ARSB: variants seen among roughly 807,000 people sequenced by gnomAD.
The protein encoded by ARSB is arylsulfatase B.
ARSB carries 41 observed loss-of-function variants against 50.9 expected under a neutral mutation model. The ratio of observed to expected loss-of-function variants is 0.81; its 90% CI spans 0.63 to 1.04. The LOEUF (loss-of-function observed/expected upper bound fraction) is 1.04, where lower values mean the gene tolerates loss of function less well. Among genes scored for constraint, ARSB ranks in the 50% least tolerant of loss-of-function variants. The pLI is 0.00. For missense variants in ARSB, 672 were observed against 693.3 expected (o/e 0.97, Z 0.35); for synonymous variants, 269 against 284.8 (o/e 0.94, Z 0.56).
intron 6 of ARSB, among the ~76,000 whole-genome samples, chr5:78,808,535 C>T (rs1300250489): frequency 6.6e-6 from 1 of 152,108 alleles, no homozygotes. Context: ...TGGGAGGATG[C>T]TGTTCTAGAG....
At chr5:78,830,203 G>A (rs1378361981) in intron 6 of ARSB, among the ~76,000 whole-genome samples, 1 of 152,156 alleles carries the variant, frequency 6.6e-6, no homozygotes, top group East Asian at 1.9e-4. Flanking sequence ...TGGTCAGTTG[G>A]ACATGAGACA....
intron 5 of ARSB, among the ~76,000 whole-genome samples, chr5:78,860,296 T>A (rs538710157): frequency 6.6e-5 from 10 of 152,310 alleles, no homozygotes; most frequent in Admixed American, 4.6e-4. Flanking sequence ...GCTTTATGAA[T>A]CTGGGTGCTC....
At chr5:78,949,273 A>C (rs531661731) in intron 4 of ARSB, among the ~76,000 whole-genome samples, 7 of 152,352 alleles carry the variant, frequency 4.6e-5, no homozygotes, top group African/African-American at 1.7e-4. Flanking sequence ...CCGATCACCA[A>C]ATATAATCCA....
chr5:78,969,091 A>G lies in ARSB; in HGVS notation c.414T>C (p.Tyr138=). Reference sequence around the variant, plus strand: ...GCCATTTTCCGACCATATGGGTAGTATAACCTGCTTCTTTTAGGAGCTGGG... The same window carrying G: ...GCCATTTTCCGACCATATGGGTAGTGTAACCTGCTTCTTTTAGGAGCTGGG... ...LLPQLLKEAG[Y]TTHMVGKWHL... The change falls in exon 2 of 8, where the codon TAT becomes TAC. Residue 138 remains tyrosine, a synonymous_variant. Transcript: ENST00000264914. 2 of 1,614,208 alleles carry G rather than the reference A, an allele frequency of 1.2e-6. No individual in the cohort carries two copies. The highest frequency in any genetic ancestry group is 1.7e-6 in the Non-Finnish European group (2 of 1,180,030).
chr5:78,983,244 G>T (rs1752994274), intron 1 of ARSB, among the ~76,000 whole-genome samples: 1 of 152,078 alleles, frequency 6.6e-6, no homozygotes, highest in Non-Finnish European at 1.5e-5. Context: ...AGTAGAGACG[G>T]GGTTTCGCCG....
Position 78,780,015 on chromosome 5 carries a change from T to C in ARSB, c.*382A>G, listed in dbSNP as rs1432587219. 4 of 287,480 alleles carry C rather than the reference T, an allele frequency of 1.4e-5. No homozygotes were observed. The highest frequency in any genetic ancestry group is 2.7e-5 in the Non-Finnish European group (4 of 147,872). 17.8% of individuals were successfully genotyped at this position (287,480 alleles called of 1,614,324 possible). On this transcript the variant is annotated 3_prime_UTR_variant, in exon 8 of 8. Coordinates refer to ENST00000264914, the MANE Select transcript of ARSB (RefSeq NM_000046.5). ...CCTTCATTTGCGTAAGAAATGTGATTCACTCCAATAAAACTGGCTATTGGC... is the reference window on the plus strand; with the variant it reads ...CCTTCATTTGCGTAAGAAATGTGATCCACTCCAATAAAACTGGCTATTGGC...
At chr5:78,945,155 G>A (rs1208557230) in intron 4 of ARSB, among the ~76,000 whole-genome samples, 1 of 152,142 alleles carries the variant, frequency 6.6e-6, no homozygotes, top group Admixed American at 6.5e-5. Flanking sequence ...GGAGTGACCC[G>A]ATTTTCCAGG....
chr5:78,903,698 T>A (rs769553933), intron 4 of ARSB, among the ~76,000 whole-genome samples: 1 of 152,232 alleles, frequency 6.6e-6, no homozygotes, highest in Non-Finnish European at 1.5e-5. Flanking sequence ...GACCATTTCA[T>A]TGTTTATTCC....
At chr5:78,848,489 A>G (rs902408162) in intron 5 of ARSB, among the ~76,000 whole-genome samples, 9 of 151,204 alleles carry the variant, frequency 6.0e-5, no homozygotes, top group African/African-American at 2.2e-4. Flanking sequence ...GTTGGTTCCA[A>G]GTCTTTGCTA....
intron 5 of ARSB, among the ~76,000 whole-genome samples, chr5:78,849,092 G>C (rs1745610938): frequency 6.6e-6 from 1 of 152,070 alleles, no homozygotes; most frequent in South Asian, 2.1e-4. Context: ...TGTCAGTTTT[G>C]GTTTTTGTTG....
At chr5:78,817,161 T>C (rs1580997802) in intron 6 of ARSB, 1 of 974,160 alleles carries the variant, frequency 1.0e-6, no homozygotes, top group South Asian at 4.7e-5. Flanking sequence ...TGATCATTAG[T>C]AGGCACAAAA....
At chr5:78,916,511 A>T (rs1055108608) in intron 4 of ARSB, among the ~76,000 whole-genome samples, 2 of 152,216 alleles carry the variant, frequency 1.3e-5, no homozygotes, top group Non-Finnish European at 2.9e-5. Flanking sequence ...TCCTACCTCA[A>T]GACCCTCTGT....
chr5:78,853,712 C>T lies in ARSB; in HGVS notation c.1143-14286G>A, dbSNP rs544864026. The stretch of plus-strand genomic sequence containing the variant: ...CTCCTTGAGCTGTGGTGGGCTCCAC[C>T]AAGTTTGAGCTTCCTGGCTGCTTTG... On this transcript the variant is annotated intron_variant, in intron 5 of 7. Transcript: ENST00000264914. Among the ~76,000 whole-genome samples the T allele has an allele frequency of 2.6e-5, 4 of 152,330 alleles. No individual in the cohort carries two copies. In the South Asian group the frequency reaches 6.2e-4, roughly 24 times the overall value.
chr5:78,815,353 A>G (rs1357703061), intron 6 of ARSB, among the ~76,000 whole-genome samples: 1 of 150,506 alleles, frequency 6.6e-6, no homozygotes, highest in Non-Finnish European at 1.5e-5. Flanking sequence ...TTTTTCTATG[A>G]GACTGACTGC....
intron 6 of ARSB, among the ~76,000 whole-genome samples, chr5:78,809,586 C>A (rs1257101930): frequency 6.6e-6 from 1 of 152,252 alleles, no homozygotes; most frequent in East Asian, 1.9e-4. Context: ...GCACTTCTTG[C>A]CTTCAGCTGA....
chr5:78,860,926 G>GTA (rs770757178), intron 5 of ARSB, among the ~76,000 whole-genome samples: 13 of 152,070 alleles, frequency 8.5e-5, no homozygotes, highest in Non-Finnish European at 1.5e-4. Context: ...ATGATAAAGG[G>GTA]TATATCAGCA....
At chr5:78,836,997 C>T (rs1744984662) in intron 6 of ARSB, among the ~76,000 whole-genome samples, 1 of 152,152 alleles carries the variant, frequency 6.6e-6, no homozygotes, top group South Asian at 2.1e-4. Flanking sequence ...CTCACTATCA[C>T]AAGAACAGCA....
intron 6 of ARSB, chr5:78,817,047 C>T (rs757893677): frequency 4.1e-5 from 40 of 979,460 alleles, no homozygotes; most frequent in South Asian, 4.7e-5. Flanking sequence ...TGCTATACAG[C>T]GATAGGAAAT....
intron 6 of ARSB, among the ~76,000 whole-genome samples, chr5:78,820,007 C>A (rs1744147114): frequency 6.6e-6 from 1 of 152,218 alleles, no homozygotes; most frequent in South Asian, 2.1e-4. Flanking sequence ...GCCCTGGGGG[C>A]TCCACCCTCA....
Sources: gnomAD v4.1 joint callset for allele counts (sites outside exome capture counted in the v4.1 genomes callset) on GRCh38, gnomAD v4.1.1 for gene constraint, MANE v1.5 for transcripts, NCBI Gene and HGNC (gene_info 2026-07-23, HGNC 2026-07-21) for gene names.